Variants in ZNRF1 observed in about 807,000 individuals in gnomAD.
The protein encoded by ZNRF1 is E3 ubiquitin-protein ligase ZNRF1.
A neutral mutation model predicts 18.4 loss-of-function variants in ZNRF1; 3 were observed. That is an observed-to-expected ratio of 0.16 (90% confidence interval 0.07 to 0.42). The LOEUF (loss-of-function observed/expected upper bound fraction) is 0.42. ZNRF1 is among the 10% of genes least tolerant of loss of function. The probability of loss-of-function intolerance (pLI) is 0.99; values close to 1 mark genes in which losing one functional copy is unlikely to be tolerated. For synonymous variants in ZNRF1, 157 were observed against 144.2 expected, an observed-to-expected ratio of 1.09 and a Z score of -0.64; for missense variants, 310 against 329.8, an observed-to-expected ratio of 0.94 and a Z score of 0.47.
chr16:75,031,720 T>C (rs1028169283), intron 1 of ZNRF1, among the ~76,000 whole-genome samples: 2 of 152,134 alleles, frequency 1.3e-5, no homozygotes, highest in Non-Finnish European at 2.9e-5. Context: ...CAGGCTGTTC[T>C]CGAACTCCTG....
chr16:75,098,663 T>A (rs1184775474), intron 2 of ZNRF1, among the ~76,000 whole-genome samples: 2 of 152,136 alleles, frequency 1.3e-5, no homozygotes, highest in East Asian at 3.9e-4. Flanking sequence ...GGAAATGAGG[T>A]CAGGGGGTGG....
intron 1 of ZNRF1, among the ~76,000 whole-genome samples, chr16:75,092,629 G>A (rs1175458717): frequency 6.6e-6 from 1 of 152,180 alleles, no homozygotes. Context: ...TTTGCTTAAC[G>A]GAGTTCAACT....
intron 1 of ZNRF1, among the ~76,000 whole-genome samples, chr16:75,069,951 C>T (rs917731495): frequency 6.6e-6 from 1 of 152,174 alleles, no homozygotes; most frequent in Non-Finnish European, 1.5e-5. Flanking sequence ...CCCAGTTGCC[C>T]AAGCGAGCTG....
chr16:75,065,021 G>C (rs1440298114), intron 1 of ZNRF1, among the ~76,000 whole-genome samples: 3 of 152,224 alleles, frequency 2.0e-5, no homozygotes, highest in African/African-American at 7.2e-5. Context: ...CTTCACGTGA[G>C]AGATAGGCCG....
intron 1 of ZNRF1, among the ~76,000 whole-genome samples, chr16:75,074,006 C>T (rs911721216): frequency 2.6e-5 from 4 of 152,084 alleles, no homozygotes; most frequent in Non-Finnish European, 2.9e-5. Flanking sequence ...TAGAATCTTG[C>T]AGTGCTACCA....
chr16:75,046,496 C>T (rs1273243940), intron 1 of ZNRF1, among the ~76,000 whole-genome samples: 1 of 152,130 alleles, frequency 6.6e-6, no homozygotes, highest in Admixed American at 6.5e-5. Flanking sequence ...AGGTGATCTG[C>T]TGCCTTGGCC....
rs953614182 is a variant in ZNRF1 at position 74,999,339 on chromosome 16, C to G, written c.-333C>G. ...CCGCCGCTCGCCGCCGCCTCCCTCCCTCCTTCCCTGCGGCTCCCCCGGCTT... is the reference window on the plus strand; with the variant it reads ...CCGCCGCTCGCCGCCGCCTCCCTCCGTCCTTCCCTGCGGCTCCCCCGGCTT... On this transcript the variant is annotated 5_prime_UTR_variant, in exon 1 of 5. Transcript: ENST00000335325. The G allele has an allele frequency of 5.9e-6, 1 of 169,976 alleles. No homozygotes were observed. Among genetic ancestry groups the G allele is most frequent in the Non-Finnish European group, 1.2e-5 (1 of 80,480 alleles). The allele number at this position is 169,976 out of a possible 1,614,324, so 10.5% of individuals were successfully genotyped here. A position where few individuals can be genotyped will look rare whatever the true frequency, so the allele number is the denominator to read the frequency against.
At chr16:75,037,332 CTT>C (rs148129043) in intron 1 of ZNRF1, among the ~76,000 whole-genome samples, 3,108 of 152,094 alleles carry the variant, frequency 0.02, 99 homozygotes, top group African/African-American at 0.071. Context: ...GGTCTTCACT[CTT>C]TTGTTTTTTT....
intron 4 of ZNRF1, chr16:75,106,865 G>A: frequency 3.4e-6 from 1 of 290,170 alleles, no homozygotes; most frequent in African/African-American, 2.1e-5. Context: ...AATATCCCCT[G>A]GGAATGTGCA....
At chr16:75,025,608 G>T (rs900231842) in intron 1 of ZNRF1, among the ~76,000 whole-genome samples, 1 of 152,074 alleles carries the variant, frequency 6.6e-6, no homozygotes, top group African/African-American at 2.4e-5. Context: ...TTTGTTCTTA[G>T]GGACCAATTA....
Position 75,005,668 on chromosome 16 carries a change from G to A in ZNRF1, c.424+5573G>A, listed in dbSNP as rs140945047. On this transcript the variant is annotated intron_variant, in intron 1 of 4. Transcript: ENST00000335325. Reference sequence around the variant, plus strand: ...CCCTATATCTACTATGTCTTTTCCTGTATATACATACCTTTGATAAAGTTT... The same window carrying A: ...CCCTATATCTACTATGTCTTTTCCTATATATACATACCTTTGATAAAGTTT... Among the ~76,000 whole-genome samples, 1,040 of 152,208 alleles carry A rather than the reference G, an allele frequency of 6.8e-3. 16 individuals carry two copies. The highest frequency in any genetic ancestry group is 0.024 in the African/African-American group (991 of 41,518).
At chr16:75,027,903 C>G (rs571217130) in intron 1 of ZNRF1, among the ~76,000 whole-genome samples, 1 of 152,276 alleles carries the variant, frequency 6.6e-6, no homozygotes, top group Admixed American at 6.5e-5. Context: ...CTCTTCCATA[C>G]TTTCTCCTCT....
chr16:75,025,098 C>T (rs1240296115), intron 1 of ZNRF1, among the ~76,000 whole-genome samples: 1 of 151,976 alleles, frequency 6.6e-6, no homozygotes, highest in African/African-American at 2.4e-5. Context: ...GACAGAGTTG[C>T]ACTCTGTTGC....
At chr16:75,097,549 C>T (rs987224264) in intron 2 of ZNRF1, among the ~76,000 whole-genome samples, 2 of 152,274 alleles carry the variant, frequency 1.3e-5, no homozygotes, top group East Asian at 1.9e-4. Context: ...CAAGGGAGGC[C>T]GGATGCAGTG....
At chr16:75,015,191 A>G (rs1597858349) in intron 1 of ZNRF1, among the ~76,000 whole-genome samples, 1 of 152,142 alleles carries the variant, frequency 6.6e-6, no homozygotes, top group Admixed American at 6.6e-5. Context: ...TATGCATTTT[A>G]TGTGTTAAGA....
At chr16:75,070,040 A>C (rs2035851303) in intron 1 of ZNRF1, among the ~76,000 whole-genome samples, 1 of 152,214 alleles carries the variant, frequency 6.6e-6, no homozygotes, top group African/African-American at 2.4e-5. Flanking sequence ...AAACCCTTTA[A>C]AAATCCTTTT....
At chr16:75,098,727 CTTCT>C (rs1427872258) in intron 2 of ZNRF1, among the ~76,000 whole-genome samples, 1 of 152,202 alleles carries the variant, frequency 6.6e-6, no homozygotes, top group Non-Finnish European at 1.5e-5. Flanking sequence ...TCCCACCTTC[CTTCT>C]CTCTGGGCCC....
chr16:75,045,727 T>G (rs2035506864), intron 1 of ZNRF1, among the ~76,000 whole-genome samples: 1 of 150,840 alleles, frequency 6.6e-6, no homozygotes, highest in South Asian at 2.1e-4. Flanking sequence ...TTTTTTTTTT[T>G]TTTTTTTTCC....
intron 1 of ZNRF1, among the ~76,000 whole-genome samples, chr16:75,010,404 CTG>C (rs1567464606): frequency 6.6e-6 from 1 of 152,160 alleles, no homozygotes; most frequent in African/African-American, 2.4e-5. Flanking sequence ...AGTAATAAAT[CTG>C]TGTTATATTT....
Sources: gnomAD v4.1 joint callset for allele counts (sites outside exome capture counted in the v4.1 genomes callset) on GRCh38, gnomAD v4.1.1 for gene constraint, MANE v1.5 for transcripts, NCBI Gene and HGNC (gene_info 2026-07-23, HGNC 2026-07-21) for gene names.